CASS4: variants seen among roughly 807,000 people sequenced by gnomAD.
The protein encoded by CASS4 is cas scaffolding protein family member 4.
CASS4 carries 22 observed loss-of-function variants against 54.2 expected under a neutral mutation model. The observed-to-expected ratio is 0.41, with a 90% CI of 0.29 to 0.58. CASS4 has a LOEUF of 0.58. Ranked by LOEUF, CASS4 falls within the 20% of genes least tolerant of loss-of-function variation. The pLI, the probability that CASS4 is intolerant of heterozygous loss-of-function variation, is 0.36. For synonymous variants in CASS4, 409 were observed against 391.5 expected (o/e 1.04, Z -0.53); for missense variants, 854 against 986.7 (o/e 0.87, Z 1.80).
chr20:56,428,921 G>A (rs961014920), intron 1 of CASS4, among the ~76,000 whole-genome samples: 5 of 143,244 alleles, frequency 3.5e-5, no homozygotes, highest in African/African-American at 5.4e-5. Context: ...TGTACCCCCC[G>A]ACCTGCCCCC....
intron 5 of CASS4, among the ~76,000 whole-genome samples, chr20:56,457,659 GT>G (rs2146301727): frequency 6.6e-6 from 1 of 152,228 alleles, no homozygotes; most frequent in African/African-American, 2.4e-5. Flanking sequence ...CTTTTTAAAT[GT>G]TTTTAAATCT....
intron 5 of CASS4, among the ~76,000 whole-genome samples, chr20:56,454,843 G>A (rs937538049): frequency 6.6e-6 from 1 of 152,126 alleles, no homozygotes; most frequent in Non-Finnish European, 1.5e-5. Flanking sequence ...TGACCCACAT[G>A]GGCGAGAGTT....
chr20:56,442,103 G>A (rs942641134), intron 2 of CASS4, among the ~76,000 whole-genome samples: 15 of 151,864 alleles, frequency 9.9e-5, no homozygotes, highest in Admixed American at 7.2e-4. Context: ...CACAGGCTTG[G>A]AACACAGCCT....
intron 1 of CASS4, among the ~76,000 whole-genome samples, chr20:56,417,317 C>G (rs1458360504): frequency 1.3e-5 from 2 of 152,204 alleles, no homozygotes; most frequent in East Asian, 3.9e-4. Flanking sequence ...TTAGATCCCA[C>G]TCCGAGCAGC....
At position 56,457,624 on chromosome 20, in the gene CASS4, G is replaced by C. The variant is rs147625590; in HGVS notation, c.1954-716G>C. The stretch of plus-strand genomic sequence containing the variant: ...ATGTTGAGAGTTCTGATATATCTCT[G>C]ATACTGAAATCAGAGGATTTTTGGC... On this transcript the variant is annotated intron_variant, in intron 5 of 5. Coordinates refer to ENST00000679887, the MANE Select transcript of CASS4 (RefSeq NM_020356.4). Among the ~76,000 whole-genome samples the C allele has an allele frequency of 5.0e-3, 754 of 152,244 alleles. 7 individuals are homozygous for C. The highest frequency in any genetic ancestry group is 0.017 in the African/African-American group (707 of 41,534).
rs755066831 is a variant in CASS4 at position 56,453,081 on chromosome 20, A to T, written c.1905A>T (p.Glu635Asp). 95 of 1,613,988 alleles carry T rather than the reference A, an allele frequency of 5.9e-5. No individual in the cohort carries two copies. Among genetic ancestry groups the T allele is most frequent in the Non-Finnish European group, 7.2e-5 (85 of 1,180,014 alleles). ...STPSTKQRED[E>D]HSSELLKKNR... ...CTTCCACTAAGCAAAGGGAAGATGA[A>T]CACTCTTCTGAACTATTAAAGAAAA... The change falls in exon 5 of 6, where the codon GAA (glutamate) becomes GAT (aspartate). Residue 635 changes from glutamate to aspartate, a missense_variant. Transcript: ENST00000679887.
At chr20:56,450,742 A>G in intron 4 of CASS4, 63 bp downstream of exon 4, 3 of 1,522,266 alleles carry the variant, frequency 2.0e-6, no homozygotes, top group African/African-American at 1.4e-5. Context: ...CAGAAATGTT[A>G]TTAGCTTGGG....
chr20:56,440,071 A>G (rs1035736956), intron 2 of CASS4, among the ~76,000 whole-genome samples: 2 of 152,246 alleles, frequency 1.3e-5, no homozygotes, highest in East Asian at 1.9e-4. Context: ...GATTTTGAAT[A>G]CTTTACATTT....
intron 1 of CASS4, among the ~76,000 whole-genome samples, chr20:56,415,007 C>T (rs772260661): frequency 4.6e-5 from 7 of 152,200 alleles, no homozygotes; most frequent in African/African-American, 1.2e-4. Flanking sequence ...CTGTCACAGA[C>T]GAGGAAACGA....
intron 3 of CASS4, among the ~76,000 whole-genome samples, chr20:56,446,665 C>T (rs988077153): frequency 2.0e-5 from 3 of 152,122 alleles, no homozygotes; most frequent in African/African-American, 7.2e-5. Flanking sequence ...GCGTTCTCCC[C>T]ACCCACCTAC....
At chr20:56,418,713 G>T (rs896487506) in intron 1 of CASS4, among the ~76,000 whole-genome samples, 1 of 152,138 alleles carries the variant, frequency 6.6e-6, no homozygotes, top group African/African-American at 2.4e-5. Flanking sequence ...GGTGGGGAGT[G>T]GTTGTGAGCA....
chr20:56,436,219 A>G (rs1230379582), intron 1 of CASS4, among the ~76,000 whole-genome samples: 2 of 152,034 alleles, frequency 1.3e-5, no homozygotes, highest in African/African-American at 4.8e-5. Flanking sequence ...AAGCAATCTA[A>G]TAGTAATAAC....
At chr20:56,423,230 C>A (rs920852377) in intron 1 of CASS4, among the ~76,000 whole-genome samples, 5 of 152,186 alleles carry the variant, frequency 3.3e-5, no homozygotes, top group South Asian at 2.1e-4. Context: ...AAAATAGTTT[C>A]TTTAAAGGAT....
chr20:56,437,275 G>C lies in CASS4; in HGVS notation c.148G>C (p.Gly50Arg), dbSNP rs368082221. ...ILEQHVPESE[G>R]WWKCLLHGRQ... ...GGAGCAACACGTGCCAGAAAGCGAG[G>C]GTTGGTGGAAGTGTTTGCTCCATGG... Residue 50 changes from glycine to arginine, a missense_variant, in exon 2 of 6, where the codon GGT (glycine) becomes CGT (arginine). Coordinates refer to ENST00000679887, the MANE Select transcript of CASS4 (RefSeq NM_020356.4). This position sits in a 1 kb window ranked among gnomAD's most constrained non-coding sequence, Gnocchi z 4.7. 6 of 1,614,024 alleles carry C rather than the reference G, an allele frequency of 3.7e-6. No homozygotes were observed. The African/African-American group carries it at 8.0e-5, about 22-fold the overall frequency.
intron 2 of CASS4, among the ~76,000 whole-genome samples, chr20:56,439,614 T>A (rs1383897923): frequency 1.3e-5 from 2 of 152,008 alleles, no homozygotes; most frequent in Non-Finnish European, 2.9e-5. Context: ...AGATTGAAGC[T>A]GCAGAGAGCT....
Position 56,437,587 on chromosome 20 carries a change from GTACGCA to G in CASS4, c.459+5_459+10del, listed in dbSNP as rs780009166. ...AAAGACTCTCAGCTTTCCAAAACAG[GTACGCA>G]TACTTCCACCTACTAGACATGGGTT... On this transcript the variant is annotated splice_donor_variant and splice_donor_5th_base_variant and intron_variant, in intron 2 of 5. Transcript: ENST00000679887. LOFTEE classifies it high-confidence loss of function. This position sits in a 1 kb window ranked among gnomAD's most constrained non-coding sequence, Gnocchi z 4.7. 17 of 1,527,154 alleles carry G rather than the reference GTACGCA, an allele frequency of 1.1e-5. No homozygotes were observed. The South Asian group carries it at 1.7e-4, about 15-fold the overall frequency. 94.6% of individuals were successfully genotyped at this position (1,527,154 alleles called of 1,614,324 possible).
intron 5 of CASS4, among the ~76,000 whole-genome samples, chr20:56,456,038 C>G (rs1276463475): frequency 6.6e-6 from 1 of 151,532 alleles, no homozygotes; most frequent in Non-Finnish European, 1.5e-5. Context: ...GCATTTCTAG[C>G]AAGTTTGCAG....
intron 1 of CASS4, among the ~76,000 whole-genome samples, chr20:56,424,877 T>C (rs1389408378): frequency 1.3e-5 from 2 of 151,744 alleles, no homozygotes; most frequent in African/African-American, 4.8e-5. Flanking sequence ...GAAATGAATG[T>C]TAGATGAGGG....
intron 3 of CASS4, 77 bp downstream of exon 3, chr20:56,446,078 T>A: frequency 1.0e-6 from 1 of 968,296 alleles, no homozygotes; most frequent in African/African-American, 1.6e-5. Context: ...CATGCCCACA[T>A]TGCATTTCAG....
Sources: gnomAD v4.1 joint callset for allele counts (sites outside exome capture counted in the v4.1 genomes callset) on GRCh38, gnomAD v4.1.1 for gene constraint, Gnocchi (gnomAD v3.1) non-coding constraint, MANE v1.5 for transcripts, NCBI Gene and HGNC (gene_info 2026-07-23, HGNC 2026-07-21) for gene names.